NR2C2: variants seen among roughly 807,000 people sequenced by gnomAD.
NR2C2 encodes nuclear receptor subfamily 2 group C member 2, also known as Nuclear hormone receptor TR4.
Under a neutral mutation model 62.9 loss-of-function variants are expected in NR2C2, and 6 were observed. The ratio of observed to expected loss-of-function variants is 0.10; its 90% CI spans 0.05 to 0.19. The LOEUF (loss-of-function observed/expected upper bound fraction) is 0.19, where lower values mean the gene tolerates loss of function less well. Ranked by LOEUF, NR2C2 falls within the 10% of genes least tolerant of loss-of-function variation. NR2C2 has a pLI of 1.00. For synonymous variants in NR2C2, 272 were observed against 273.8 expected, an observed-to-expected ratio of 0.99 and a Z score of 0.07; for missense variants, 479 against 762.7, an observed-to-expected ratio of 0.63 and a Z score of 4.38.
rs1172648582 is a variant in NR2C2, at chr3:15,048,296, G to A, written c.*5288G>A. The A allele has an allele frequency of 3.3e-5, 5 of 152,598 alleles. No individual in the cohort carries two copies. Among genetic ancestry groups the A allele is most frequent in the South Asian group, 4.1e-4 (2 of 4,830 alleles). 9.5% of individuals were successfully genotyped at this position (152,598 alleles called of 1,614,324 possible). A position where few individuals can be genotyped will look rare whatever the true frequency, so the allele number is the denominator to read the frequency against. ...CGTCATAGCCTGTCGTGACAATCACGCTATTGAAAGTGGCTTTCTAGTTAA... is the reference window on the plus strand; with the variant it reads ...CGTCATAGCCTGTCGTGACAATCACACTATTGAAAGTGGCTTTCTAGTTAA... On this transcript the variant is annotated 3_prime_UTR_variant, in exon 14 of 14. Transcript: ENST00000425241.
At chr3:15,022,102 G>A (rs2041684834) in intron 5 of NR2C2, among the ~76,000 whole-genome samples, 1 of 152,218 alleles carries the variant, frequency 6.6e-6, no homozygotes, top group South Asian at 2.1e-4. Context: ...ATATTCAACT[G>A]GATAGCAGTT....
At chr3:15,004,496 CTT>C (rs2041111215) in intron 2 of NR2C2, 6 of 1,459,870 alleles carry the variant, frequency 4.1e-6, no homozygotes, top group Non-Finnish European at 5.6e-6. Context: ...TATATAATAA[CTT>C]ATTACTAATA....
chr3:15,000,782 A>G (rs1272400762), intron 1 of NR2C2, among the ~76,000 whole-genome samples: 1 of 150,782 alleles, frequency 6.6e-6, no homozygotes, highest in Non-Finnish European at 1.5e-5. Flanking sequence ...TCTTAACAAT[A>G]TTAAGTCACA....
intron 2 of NR2C2, among the ~76,000 whole-genome samples, chr3:15,012,919 G>A (rs2041395214): frequency 6.6e-6 from 1 of 152,234 alleles, no homozygotes; most frequent in African/African-American, 2.4e-5. Flanking sequence ...TAAGGGTCAA[G>A]ACTTCTCCAG....
In NR2C2 at chr3:15,030,300, C is replaced by T; in HGVS notation, c.958C>T (p.Leu320Phe). The part of the protein sequence containing the change: ...TRAFDTLAKA[L>F]NTTDSSSSPS... ...GGCATTTGATACCTTAGCTAAAGCA[C>T]TTAATACCACAGACAGCTCCTCTTC... The change falls in exon 9 of 14, where the codon CTT becomes TTT. Residue 320 changes from leucine to phenylalanine, a missense_variant. By Grantham distance (22) the Leu-to-Phe change is conservative. Transcript: ENST00000425241. 6.2e-7 allele frequency: 1 copy of T among 1,611,310 alleles called. No homozygotes were observed. Among genetic ancestry groups the T allele is most frequent in the Non-Finnish European group, 8.5e-7 (1 of 1,179,226 alleles).
At position 15,044,419 on chromosome 3, in the gene NR2C2, A is replaced by G. The variant is rs1303102248; in HGVS notation, c.*1411A>G. The G allele has an allele frequency of 6.6e-6, 1 of 152,102 alleles. No homozygotes were observed. Among genetic ancestry groups the G allele is most frequent in the Non-Finnish European group, 1.5e-5 (1 of 68,018 alleles). 9.4% of individuals were successfully genotyped at this position (152,102 alleles called of 1,614,324 possible). A position where few individuals can be genotyped will look rare whatever the true frequency, so the allele number is the denominator to read the frequency against. On this transcript the variant is annotated 3_prime_UTR_variant, in exon 14 of 14. Coordinates refer to ENST00000425241, the MANE Select transcript of NR2C2 (RefSeq NM_001291694.2). ...CCAGGGTGATAGTCTTTCTCCTCAT[A>G]AATTGTAGCAACCAGAGTTTACAGC... is the stretch of plus-strand genomic sequence containing the variant.
chr3:14,987,885 A>G (rs1338906722), intron 1 of NR2C2, among the ~76,000 whole-genome samples: 1 of 152,246 alleles, frequency 6.6e-6, no homozygotes, highest in Non-Finnish European at 1.5e-5. Flanking sequence ...TTTTTATAAA[A>G]TGTTATTACA....
At chr3:15,035,030 C>T (rs369348339) in intron 11 of NR2C2, among the ~76,000 whole-genome samples, 13 of 152,308 alleles carry the variant, frequency 8.5e-5, no homozygotes, top group Admixed American at 2.6e-4. Flanking sequence ...TGGTGGCTCA[C>T]GCCTGTAATC....
intron 1 of NR2C2, among the ~76,000 whole-genome samples, chr3:14,979,986 T>C (rs925877653): frequency 2.0e-5 from 3 of 152,128 alleles, no homozygotes; most frequent in Non-Finnish European, 4.4e-5. Context: ...TCTTCCTTGA[T>C]GGTGGGCAAA....
chr3:14,988,987 T>TA (rs2125357674), intron 1 of NR2C2, among the ~76,000 whole-genome samples: 1 of 152,342 alleles, frequency 6.6e-6, no homozygotes, highest in Admixed American at 6.5e-5. Context: ...ATATCCGTAA[T>TA]ACCTCTTTTC....
chr3:15,007,551 T>C (rs2041221567), intron 2 of NR2C2, among the ~76,000 whole-genome samples: 1 of 152,212 alleles, frequency 6.6e-6, no homozygotes, highest in South Asian at 2.1e-4. Context: ...CCTTGTGTAT[T>C]GCCAGTCTCT....
At chr3:15,033,016 CTAAA>C (rs1194393161) in intron 10 of NR2C2, among the ~76,000 whole-genome samples, 2 of 148,726 alleles carry the variant, frequency 1.3e-5, no homozygotes, top group Admixed American at 6.7e-5. Context: ...TGTTTCTCCT[CTAAA>C]TACCAGCATC....
At chr3:15,029,787 TA>T (rs1391135224) in intron 8 of NR2C2, among the ~76,000 whole-genome samples, 3 of 129,396 alleles carry the variant, frequency 2.3e-5, no homozygotes, top group Non-Finnish European at 3.4e-5. Flanking sequence ...AAAAAGTAAA[TA>T]AATAATAGAT....
intron 1 of NR2C2, among the ~76,000 whole-genome samples, chr3:14,952,702 T>C (rs1006392260): frequency 6.6e-6 from 1 of 152,234 alleles, no homozygotes; most frequent in African/African-American, 2.4e-5. Context: ...TTCTTCCTTA[T>C]TCGTTGGAGG....
Position 15,043,088 on chromosome 3 carries a change from T to C in NR2C2, c.*80T>C. ...ACAAAGAAAAGTAGTGGTATTTTGG[T>C]ATGTGCAAATATTTCCATATGTTAG... On this transcript the variant is annotated 3_prime_UTR_variant, in exon 14 of 14. Coordinates refer to ENST00000425241, the MANE Select transcript of NR2C2 (RefSeq NM_001291694.2). 7.4e-7 allele frequency: 1 copy of C among 1,342,634 alleles called. No individual in the cohort carries two copies. The highest frequency in any genetic ancestry group is 1.5e-5 in the African/African-American group (1 of 68,370). The allele number at this position is 1,342,634 out of a possible 1,614,324, so 83.2% of individuals were successfully genotyped here.
intron 1 of NR2C2, among the ~76,000 whole-genome samples, chr3:14,950,380 C>T (rs1460084341): frequency 1.3e-5 from 2 of 152,232 alleles, no homozygotes; most frequent in Admixed American, 6.5e-5. Flanking sequence ...CTAGAACCCA[C>T]GTAATGGCAG....
chr3:14,987,468 T>G (rs2125351835), intron 1 of NR2C2, among the ~76,000 whole-genome samples: 1 of 152,314 alleles, frequency 6.6e-6, no homozygotes, highest in South Asian at 2.1e-4. Context: ...TTCATACTGC[T>G]AATTTCTAGC....
In NR2C2 at chr3:15,027,779, G is replaced by A. The variant is rs140770134; in HGVS notation, c.799-807G>A. Among the ~76,000 whole-genome samples the A allele has an allele frequency of 4.6e-3, 699 of 151,756 alleles. 3 individuals are homozygous for A. Among genetic ancestry groups the A allele is most frequent in the African/African-American group, 0.016 (672 of 41,384 alleles). ...CGCCTGGCTAATTTTTTTACTTTTT[G>A]TAGAGACAGGGCCTTGCCATGTTGC... On this transcript the variant is annotated intron_variant, in intron 7 of 13. Coordinates refer to ENST00000425241, the MANE Select transcript of NR2C2 (RefSeq NM_001291694.2).
At chr3:15,014,537 A>G (rs2041450396) in intron 3 of NR2C2, among the ~76,000 whole-genome samples, 2 of 152,096 alleles carry the variant, frequency 1.3e-5, no homozygotes, top group Admixed American at 1.3e-4. Flanking sequence ...AGCTTTAGGT[A>G]TACAGTTTAG....
Sources: allele counts gnomAD v4.1 joint callset (sites outside exome capture counted in the v4.1 genomes callset), GRCh38; gene constraint gnomAD v4.1.1; transcripts MANE v1.5; gene names NCBI Gene and HGNC (gene_info 2026-07-23, HGNC 2026-07-21).